Variants in FOXO1 observed in about 807,000 individuals in gnomAD.
FOXO1 encodes forkhead box protein O1.
In FOXO1, 6 loss-of-function variants were observed where a neutral mutation model predicts 44.1. The ratio of observed to expected loss-of-function variants is 0.14; its 90% CI spans 0.07 to 0.27. FOXO1 has a LOEUF of 0.27. Among genes scored for constraint, FOXO1 ranks in the 10% least tolerant of loss-of-function variants. FOXO1 has a pLI of 1.00. For synonymous variants in FOXO1, 380 were observed against 362.7 expected, an observed-to-expected ratio of 1.05 and a Z score of -0.54; for missense variants, 737 against 888.8, an observed-to-expected ratio of 0.83 and a Z score of 2.17.
intron 1 of FOXO1, among the ~76,000 whole-genome samples, chr13:40,582,658 A>G (rs944182028): frequency 2.0e-5 from 3 of 152,242 alleles, no homozygotes; most frequent in African/African-American, 7.2e-5. Flanking sequence ...ATCCGTAAGA[A>G]GCAAGTCCTC....
At chr13:40,620,619 A>G in intron 1 of FOXO1, 2 of 404,950 alleles carry the variant, frequency 4.9e-6, no homozygotes, top group South Asian at 3.6e-5. Flanking sequence ...CCTTAGGTAC[A>G]GTTACTGACA....
intron 1 of FOXO1, among the ~76,000 whole-genome samples, chr13:40,650,978 C>A (rs1288234213): frequency 6.6e-6 from 1 of 152,202 alleles, no homozygotes; most frequent in Non-Finnish European, 1.5e-5. Context: ...TGATCTCAAA[C>A]TCCTAACCTC....
intron 1 of FOXO1, among the ~76,000 whole-genome samples, chr13:40,583,308 T>A (rs1227541262): frequency 6.6e-6 from 1 of 152,184 alleles, no homozygotes; most frequent in Non-Finnish European, 1.5e-5. Context: ...GCACTAGAAT[T>A]TTCTGAATGG....
At chr13:40,643,851 G>A (rs1877431554) in intron 1 of FOXO1, among the ~76,000 whole-genome samples, 1 of 152,116 alleles carries the variant, frequency 6.6e-6, no homozygotes, top group African/African-American at 2.4e-5. Flanking sequence ...CTTCCTTTGA[G>A]CACCTCAACT....
intron 1 of FOXO1, among the ~76,000 whole-genome samples, chr13:40,572,174 A>G (rs1874549733): frequency 6.6e-6 from 1 of 152,232 alleles, no homozygotes; most frequent in Non-Finnish European, 1.5e-5. Context: ...TTGACAGATT[A>G]AAATCCCTAG....
intron 1 of FOXO1, among the ~76,000 whole-genome samples, chr13:40,638,325 T>G (rs762425203): frequency 1.3e-5 from 2 of 151,960 alleles, no homozygotes. Context: ...AGATAACTTA[T>G]AGAGGAACGT....
intron 1 of FOXO1, among the ~76,000 whole-genome samples, chr13:40,601,681 T>C (rs1467244420): frequency 6.6e-6 from 1 of 152,224 alleles, no homozygotes; most frequent in Non-Finnish European, 1.5e-5. Context: ...AATGGGTTTT[T>C]TGGTCACATT....
Position 40,558,583 on chromosome 13 carries a change from A to G in FOXO1, c.*466T>C, listed in dbSNP as rs1026943245. ...AGTTCCGCAGAAAACAGGTAGTACA[A>G]ACAAAAGTTTAACTTATCAAGACAT... On this transcript the variant is annotated 3_prime_UTR_variant, in exon 3 of 3. Transcript: ENST00000379561. 8.1e-5 allele frequency: 27 copies of G among 334,918 alleles called. No individual in the cohort carries two copies. Among genetic ancestry groups the G allele is most frequent in the Non-Finnish European group, 1.4e-4 (26 of 186,524 alleles). 20.7% of individuals were successfully genotyped at this position (334,918 alleles called of 1,614,324 possible). A position where few individuals can be genotyped will look rare whatever the true frequency, so the allele number is the denominator to read the frequency against.
intron 1 of FOXO1, among the ~76,000 whole-genome samples, chr13:40,650,059 A>G (rs1480871724): frequency 6.6e-6 from 1 of 152,240 alleles, no homozygotes; most frequent in Non-Finnish European, 1.5e-5. Context: ...TAGACAAAGC[A>G]GCCCAAGGGC....
intron 1 of FOXO1, among the ~76,000 whole-genome samples, chr13:40,597,550 C>A (rs573873962): frequency 1.3e-5 from 2 of 152,202 alleles, no homozygotes; most frequent in African/African-American, 4.8e-5. Flanking sequence ...ATGGCTTCAA[C>A]AAGGTCCTGT....
In FOXO1 at chr13:40,663,000, T is replaced by G. The variant is rs79970217; in HGVS notation, c.630+2583A>C. ...AGTTAGAACAGCTCAGGTTGTTTCTTTTCTTCTTAAAATACCCTTTTACTC... is the reference window on the plus strand; with the variant it reads ...AGTTAGAACAGCTCAGGTTGTTTCTGTTCTTCTTAAAATACCCTTTTACTC... On this transcript the variant is annotated intron_variant, in intron 1 of 2. Transcript: ENST00000379561. Among the ~76,000 whole-genome samples, 35 of 152,352 alleles carry G rather than the reference T, an allele frequency of 2.3e-4. No individual in the cohort carries two copies. In the East Asian group the frequency reaches 6.7e-3, roughly 29 times the overall value.
intron 1 of FOXO1, among the ~76,000 whole-genome samples, chr13:40,599,515 T>A (rs1472510182): frequency 6.6e-6 from 1 of 152,238 alleles, no homozygotes; most frequent in African/African-American, 2.4e-5. Context: ...AAACCACCAC[T>A]CACAGGTACT....
At chr13:40,642,717 G>A (rs753470861) in intron 1 of FOXO1, among the ~76,000 whole-genome samples, 15 of 152,026 alleles carry the variant, frequency 9.9e-5, no homozygotes, top group African/African-American at 2.7e-4. Context: ...TCAGGAGTTC[G>A]AAACCAGCCT....
chr13:40,616,123 A>C (rs974574643), intron 1 of FOXO1, among the ~76,000 whole-genome samples: 1 of 152,236 alleles, frequency 6.6e-6, no homozygotes, highest in Non-Finnish European at 1.5e-5. Context: ...ACTGCTGATA[A>C]ACCGGATGTG....
chr13:40,559,959 G>A lies in FOXO1; in HGVS notation c.1532C>T (p.Ala511Val), dbSNP rs70961707. The A allele has an allele frequency of 7.1e-4, 1,139 of 1,614,158 alleles. 9 individuals carry two copies. The East Asian group carries it at 0.019, about 26-fold the overall frequency. Reference sequence around the variant, plus strand: ...GGGATTCATCATTTTGTTATGAGATGCCTGGCTGCCATAGGTTGACATGAC... The same window carrying A: ...GGGATTCATCATTTTGTTATGAGATACCTGGCTGCCATAGGTTGACATGAC... ...NSVMSTYGSQ[A>V]SHNKMMNPSS... The change falls in exon 2 of 3, where the codon GCA (alanine) becomes GTA (valine). Residue 511 changes from alanine to valine, a missense_variant. Transcript: ENST00000379561.
chr13:40,580,327 A>G (rs1874909480), intron 1 of FOXO1, among the ~76,000 whole-genome samples: 1 of 152,228 alleles, frequency 6.6e-6, no homozygotes, highest in African/African-American at 2.4e-5. Flanking sequence ...TTGTTTTTCC[A>G]GGAAACAATA....
At chr13:40,616,792 A>C (rs114535269) in intron 1 of FOXO1, among the ~76,000 whole-genome samples, 138 of 152,292 alleles carry the variant, frequency 9.1e-4, no homozygotes, top group African/African-American at 3.2e-3. Context: ...AAGTAGACCA[A>C]GGAATGAAAA....
intron 1 of FOXO1, among the ~76,000 whole-genome samples, chr13:40,624,317 T>TAAAAAAAAAAAAAAAAAAAAA (rs10552634): frequency 3.0e-5 from 3 of 100,952 alleles, no homozygotes; most frequent in Non-Finnish European, 4.2e-5. Flanking sequence ...TAATACTGCT[T>TAAAAAAAAAAAAAAAAAAAAA]AAAAAAAAAA....
At chr13:40,577,093 G>A (rs951832897) in intron 1 of FOXO1, among the ~76,000 whole-genome samples, 1 of 152,154 alleles carries the variant, frequency 6.6e-6, no homozygotes, top group Non-Finnish European at 1.5e-5. Context: ...GAGATTCAGG[G>A]CCAAGGCTGT....
Sources: gnomAD v4.1 joint callset for allele counts (sites outside exome capture counted in the v4.1 genomes callset) on GRCh38, gnomAD v4.1.1 for gene constraint, MANE v1.5 for transcripts, NCBI Gene and HGNC (gene_info 2026-07-23, HGNC 2026-07-21) for gene names.